Variants in ACTR3C observed in about 807,000 individuals in gnomAD.
The protein encoded by ACTR3C is actin-related protein 3C.
In ACTR3C, 18 loss-of-function variants were observed where a neutral mutation model predicts 26.3. That is an observed-to-expected ratio of 0.68 (90% CI 0.47 to 1.01). The LOEUF (loss-of-function observed/expected upper bound fraction) is 1.01, where lower values mean the gene tolerates loss of function less well. Among genes scored for constraint, ACTR3C ranks in the 50% least tolerant of loss-of-function variants. The pLI is 0.00. For missense variants in ACTR3C, 184 were observed against 250.7 expected, an observed-to-expected ratio of 0.73 and a Z score of 1.80; for synonymous variants, 55 against 94.5, an observed-to-expected ratio of 0.58 and a Z score of 2.42.
chr7:150,270,648 A>G (rs958544633), intron 6 of ACTR3C, among the ~76,000 whole-genome samples: 13 of 152,120 alleles, frequency 8.5e-5, no homozygotes, highest in Non-Finnish European at 1.8e-4. Flanking sequence ...TCAGCACAGC[A>G]CTCTAACCAC....
chr7:149,966,419 G>A, the ACTR3C span, among the ~76,000 whole-genome samples: 1 of 152,170 alleles, frequency 6.6e-6, no homozygotes, highest in Non-Finnish European at 1.5e-5. Flanking sequence ...TTCCCTCATG[G>A]CATCCAGCAC....
At chr7:150,036,234 G>C in the ACTR3C span, among the ~76,000 whole-genome samples, 3,966 of 112,386 alleles carry the variant, frequency 0.035, 4 homozygotes, top group African/African-American at 0.052. Context: ...AAAATGGGGG[G>C]CCTTTATGTT....
chr7:150,286,776 C>T (rs1835810544), intron 4 of ACTR3C, among the ~76,000 whole-genome samples: 1 of 151,332 alleles, frequency 6.6e-6, no homozygotes, highest in African/African-American at 2.4e-5. Context: ...AGCTATTAAT[C>T]TCAGCCTTGG....
At chr7:150,209,294 GAGAGAGAGACAGAAAC>G in the ACTR3C span, among the ~76,000 whole-genome samples, 16 of 142,300 alleles carry the variant, frequency 1.1e-4, no homozygotes, top group African/African-American at 4.6e-4. Flanking sequence ...GAAACAGAGA[GAGAGAGAGACAGAAAC>G]AGAGAGAGAG....
the ACTR3C span, among the ~76,000 whole-genome samples, chr7:150,058,138 A>G: frequency 1.3e-5 from 2 of 152,172 alleles, no homozygotes; most frequent in African/African-American, 4.8e-5. Flanking sequence ...CTACAGTGCT[A>G]TCTTCTATTG....
chr7:150,229,822 A>G, the ACTR3C span, among the ~76,000 whole-genome samples: 1 of 151,618 alleles, frequency 6.6e-6, no homozygotes, highest in African/African-American at 2.4e-5. Context: ...TTAAATGTTA[A>G]ACCAGTCATA....
At chr7:150,019,949 C>T in the ACTR3C span, among the ~76,000 whole-genome samples, 10 of 152,108 alleles carry the variant, frequency 6.6e-5, no homozygotes, top group African/African-American at 2.2e-4. Flanking sequence ...AGGACAAGCT[C>T]GTTGCAGAGG....
At chr7:150,285,405 A>G (rs1487161461) in intron 5 of ACTR3C, among the ~76,000 whole-genome samples, 1 of 152,256 alleles carries the variant, frequency 6.6e-6, no homozygotes, top group African/African-American at 2.4e-5. Flanking sequence ...TAAATAAGCT[A>G]AAGTATAACG....
At chr7:150,053,825 A>G in the ACTR3C span, among the ~76,000 whole-genome samples, 3 of 152,242 alleles carry the variant, frequency 2.0e-5, no homozygotes, top group Non-Finnish European at 4.4e-5. Flanking sequence ...GCAGTTACAA[A>G]TAAAGGAAGG....
At chr7:150,216,590 T>C in the ACTR3C span, among the ~76,000 whole-genome samples, 5 of 152,166 alleles carry the variant, frequency 3.3e-5, no homozygotes, top group African/African-American at 1.2e-4. Flanking sequence ...AGTTACCATT[T>C]GTCTCACTGC....
the ACTR3C span, among the ~76,000 whole-genome samples, chr7:149,932,476 G>T: frequency 6.6e-6 from 1 of 152,100 alleles, no homozygotes; most frequent in Non-Finnish European, 1.5e-5. Context: ...AGATTTTATG[G>T]TATGTAAATT....
At chr7:149,991,273 A>T in the ACTR3C span, among the ~76,000 whole-genome samples, 6 of 152,196 alleles carry the variant, frequency 3.9e-5, no homozygotes, top group African/African-American at 1.4e-4. Flanking sequence ...CCCTCCCAGG[A>T]CACTTGGGAA....
chr7:150,202,550 C>T, the ACTR3C span, among the ~76,000 whole-genome samples: 2 of 152,236 alleles, frequency 1.3e-5, no homozygotes, highest in South Asian at 4.1e-4. Flanking sequence ...TATAGAGTCA[C>T]TCTTGTATCT....
chr7:150,206,887 G>A, the ACTR3C span, among the ~76,000 whole-genome samples: 1 of 152,156 alleles, frequency 6.6e-6, no homozygotes, highest in Non-Finnish European at 1.5e-5. Flanking sequence ...TTGCTTTATT[G>A]TTTTTATTTT....
the ACTR3C span, among the ~76,000 whole-genome samples, chr7:150,154,262 A>G: frequency 6.6e-3 from 1,013 of 152,332 alleles, 8 homozygotes; most frequent in Non-Finnish European, 0.012. Flanking sequence ...ACTCTGATGC[A>G]GGATTCCAGC....
the ACTR3C span, among the ~76,000 whole-genome samples, chr7:150,018,956 G>A: frequency 4.7e-5 from 7 of 150,210 alleles, no homozygotes; most frequent in East Asian, 3.9e-4. Flanking sequence ...TTTGAAAGTC[G>A]TAATATAAAT....
chr7:150,090,099 G>A, the ACTR3C span, among the ~76,000 whole-genome samples: 1 of 152,302 alleles, frequency 6.6e-6, no homozygotes, highest in South Asian at 2.1e-4. Context: ...CTAATCCTGT[G>A]TTTTATTTTA....
At chr7:150,054,921 C>T in the ACTR3C span, among the ~76,000 whole-genome samples, 1 of 152,354 alleles carries the variant, frequency 6.6e-6, no homozygotes, top group Middle Eastern at 3.4e-3. Flanking sequence ...AAGACTGATA[C>T]TACACATTAT....
chr7:150,103,638 G>GGA, the ACTR3C span, among the ~76,000 whole-genome samples: 179 of 150,078 alleles, frequency 1.2e-3, 2 homozygotes, highest in African/African-American at 4.0e-3. Flanking sequence ...GTCATTGAAT[G>GGA]GAGAGAGAGA....
Sources: gnomAD v4.1 joint callset for allele counts (sites outside exome capture counted in the v4.1 genomes callset) on GRCh38, gnomAD v4.1.1 for gene constraint, MANE v1.5 for transcripts, NCBI Gene and HGNC (gene_info 2026-07-23, HGNC 2026-07-21) for gene names.